ANO1: variants seen among roughly 807,000 people sequenced by gnomAD.
ANO1 encodes the protein anoctamin 1.
A neutral mutation model predicts 124.0 loss-of-function variants in ANO1; 59 were observed. The ratio of observed to expected loss-of-function variants is 0.48; its 90% confidence interval spans 0.39 to 0.59. ANO1 has a LOEUF of 0.59. Among genes scored for constraint, ANO1 ranks in the 20% least tolerant of loss-of-function variants. The pLI is 0.00. For synonymous variants in ANO1, 529 were observed against 532.0 expected, an observed-to-expected ratio of 0.99 and a Z score of 0.08; for missense variants, 1,059 against 1,328.0, an observed-to-expected ratio of 0.80 and a Z score of 3.15.
chr11:70,045,924 T>A (rs1555005585), intron 1 of ANO1, among the ~76,000 whole-genome samples: 2 of 152,182 alleles, frequency 1.3e-5, no homozygotes, highest in African/African-American at 4.8e-5. Context: ...CACCCCTCCA[T>A]CCAGTCTTTT....
intron 1 of ANO1, among the ~76,000 whole-genome samples, chr11:70,048,782 C>T (rs187434856): frequency 2.6e-4 from 39 of 151,626 alleles, no homozygotes; most frequent in African/African-American, 7.5e-4. Flanking sequence ...TTGTGCGTGC[C>T]GGAGACCTCT....
At chr11:70,080,204 C>T (rs536809427) in intron 1 of ANO1, among the ~76,000 whole-genome samples, 16 of 152,318 alleles carry the variant, frequency 1.1e-4, no homozygotes, top group East Asian at 1.9e-4. Flanking sequence ...ACTCTCACAA[C>T]GTGTGAGGTA....
intron 1 of ANO1, among the ~76,000 whole-genome samples, chr11:70,060,087 C>T (rs1857539862): frequency 6.6e-6 from 1 of 150,452 alleles, no homozygotes; most frequent in South Asian, 2.1e-4. Flanking sequence ...TTAAGGAGAG[C>T]CTTTATTAGG....
intron 1 of ANO1, among the ~76,000 whole-genome samples, chr11:70,048,636 T>C (rs1158127420): frequency 1.3e-5 from 2 of 151,558 alleles, no homozygotes; most frequent in African/African-American, 4.9e-5. Context: ...TCAGTTTCTC[T>C]CTCTCTGTCT....
intron 11 of ANO1, among the ~76,000 whole-genome samples, chr11:70,140,796 T>C (rs2047127502): frequency 6.6e-6 from 1 of 152,212 alleles, no homozygotes; most frequent in Non-Finnish European, 1.5e-5. Flanking sequence ...GCTTTTGTTC[T>C]CAACATCTCG....
chr11:69,987,252 T>G (rs535525555), intron 1 of ANO1, among the ~76,000 whole-genome samples: 1 of 152,318 alleles, frequency 6.6e-6, no homozygotes, highest in Non-Finnish European at 1.5e-5. Flanking sequence ...CTGTCCTGCC[T>G]TCCTGAGCGG....
At chr11:70,144,345 G>T (rs1380438603) in intron 11 of ANO1, among the ~76,000 whole-genome samples, 1 of 152,212 alleles carries the variant, frequency 6.6e-6, no homozygotes, top group African/African-American at 2.4e-5. Flanking sequence ...GACACCCTGT[G>T]ATATGCGGGC....
At chr11:70,089,009 A>G (rs1275857732) in intron 2 of ANO1, among the ~76,000 whole-genome samples, 3 of 152,190 alleles carry the variant, frequency 2.0e-5, no homozygotes, top group African/African-American at 7.2e-5. Context: ...AGCTGTGTGC[A>G]GAGAGAATGA....
chr11:70,149,814 C>T (rs1425862148), intron 12 of ANO1, 22 bp downstream of exon 12: 2 of 1,610,740 alleles, frequency 1.2e-6, no homozygotes, highest in Admixed American at 3.3e-5. Context: ...TGCCGCCGTG[C>T]ATATCACGCC....
At chr11:70,019,691 G>A (rs138990800) in intron 1 of ANO1, among the ~76,000 whole-genome samples, 2 of 152,318 alleles carry the variant, frequency 1.3e-5, no homozygotes, top group Non-Finnish European at 2.9e-5. Flanking sequence ...CTTTCCAAGG[G>A]CCAGTTTACC....
At chr11:70,129,036 G>A (rs992510115) in intron 10 of ANO1, among the ~76,000 whole-genome samples, 7 of 152,188 alleles carry the variant, frequency 4.6e-5, no homozygotes. Flanking sequence ...CCACATGCCT[G>A]TTCTCTGGAA....
chr11:69,982,880 G>A (rs12418731), upstream of ANO1, among the ~76,000 whole-genome samples: 17,684 of 152,242 alleles, frequency 0.12, 1,112 homozygotes, highest in Non-Finnish European at 0.14. Flanking sequence ...CTGAGATCAT[G>A]CGAAATCAGC....
At chr11:70,170,053 G>A (rs751793752) in intron 21 of ANO1, 3 of 417,500 alleles carry the variant, frequency 7.2e-6, no homozygotes, top group South Asian at 5.2e-5. Flanking sequence ...ATGATCCCCA[G>A]GGGGAGGGCC....
intron 1 of ANO1, among the ~76,000 whole-genome samples, chr11:70,043,651 A>G (rs1857214119): frequency 6.6e-6 from 1 of 152,158 alleles, no homozygotes; most frequent in Non-Finnish European, 1.5e-5. Flanking sequence ...TGCTAGTCAG[A>G]AGACAATGGA....
chr11:70,188,525 C>T lies in ANO1; in HGVS notation c.*521C>T, dbSNP rs2135880306. 6.4e-6 allele frequency: 1 copy of T among 155,476 alleles called. No individual in the cohort carries two copies. Among genetic ancestry groups the T allele is most frequent in the East Asian group, 1.9e-4 (1 of 5,262 alleles). 9.6% of individuals were successfully genotyped at this position (155,476 alleles called of 1,614,324 possible). On this transcript the variant is annotated 3_prime_UTR_variant, in exon 26 of 26. Transcript: ENST00000355303. ...CCTGTTTCAGAAAAGTTAGACTTTC[C>T]ATCGCCTTTTCCTTCCATCAGTTGA...
At chr11:70,123,224 C>T (rs2046365857) in intron 8 of ANO1, among the ~76,000 whole-genome samples, 1 of 152,200 alleles carries the variant, frequency 6.6e-6, no homozygotes, top group Non-Finnish European at 1.5e-5. Context: ...TGCTTAGCTG[C>T]AGGTGAGGCT....
chr11:70,164,211 TC>T, intron 19 of ANO1, among the ~76,000 whole-genome samples: 1 of 152,204 alleles, frequency 6.6e-6, no homozygotes, highest in South Asian at 2.1e-4. Flanking sequence ...GGTTCTGGTC[TC>T]AGCATTTCCA....
At chr11:70,046,320 T>C (rs1420842962) in intron 1 of ANO1, among the ~76,000 whole-genome samples, 2 of 152,266 alleles carry the variant, frequency 1.3e-5, no homozygotes, top group African/African-American at 2.4e-5. Context: ...AGCTGGTCAT[T>C]GACTGCTGTC....
intron 2 of ANO1, among the ~76,000 whole-genome samples, chr11:70,090,351 A>G (rs1402047094): frequency 6.6e-6 from 1 of 152,084 alleles, no homozygotes; most frequent in African/African-American, 2.4e-5. Flanking sequence ...TTTCCTGACT[A>G]CAACTTTGAG....
Sources: allele counts gnomAD v4.1 joint callset (sites outside exome capture counted in the v4.1 genomes callset), GRCh38; gene constraint gnomAD v4.1.1; transcripts MANE v1.5; gene names NCBI Gene and HGNC (gene_info 2026-07-23, HGNC 2026-07-21).